Variants in RHBDD1 observed in about 807,000 individuals in gnomAD.
RHBDD1 encodes the protein rhomboid domain containing 1.
A neutral mutation model predicts 36.3 loss-of-function variants in RHBDD1; 38 were observed. That is an observed-to-expected ratio of 1.05 (90% CI 0.81 to 1.37). RHBDD1 has a LOEUF of 1.37. RHBDD1 is among the 40% of genes most tolerant of loss of function. The pLI is 0.00. For missense variants in RHBDD1, 393 were observed against 377.6 expected (o/e 1.04, Z -0.34); for synonymous variants, 151 against 136.5 (o/e 1.11, Z -0.74).
intron 8 of RHBDD1, among the ~76,000 whole-genome samples, chr2:226,974,366 T>C (rs1438837639): frequency 6.6e-6 from 1 of 151,840 alleles, no homozygotes; most frequent in African/African-American, 2.4e-5. Flanking sequence ...GCCTCCTGAG[T>C]AGCTGGAATT....
At chr2:226,877,767 G>T (rs1208652212) in intron 5 of RHBDD1, among the ~76,000 whole-genome samples, 7 of 152,182 alleles carry the variant, frequency 4.6e-5, no homozygotes, top group African/African-American at 1.7e-4. Context: ...TTAAAAAGAT[G>T]TGGACTAATC....
At chr2:226,965,691 C>A (rs192371894) in intron 8 of RHBDD1, among the ~76,000 whole-genome samples, 1 of 152,276 alleles carries the variant, frequency 6.6e-6, no homozygotes, top group Non-Finnish European at 1.5e-5. Flanking sequence ...AGAGTTCAGT[C>A]TCAGAGGTGT....
chr2:226,830,813 CAGGTG>C (rs58706203), upstream of RHBDD1, among the ~76,000 whole-genome samples: 26,073 of 151,998 alleles, frequency 0.17, 3,393 homozygotes, highest in African/African-American at 0.37. Flanking sequence ...GCTGGGACTA[CAGGTG>C]TGTGCCACTG....
intron 8 of RHBDD1, chr2:226,988,252 A>T: frequency 7.5e-7 from 1 of 1,335,342 alleles, no homozygotes; most frequent in Non-Finnish European, 1.0e-6. Context: ...AGTAGGACTC[A>T]TATCAGGGCC....
chr2:226,932,016 T>G (rs1950060057), intron 8 of RHBDD1, among the ~76,000 whole-genome samples: 1 of 152,184 alleles, frequency 6.6e-6, no homozygotes, highest in Non-Finnish European at 1.5e-5. Context: ...CAGTGTTTTA[T>G]AGTTTCGAAC....
chr2:226,876,279 C>T (rs1378034394), intron 5 of RHBDD1, among the ~76,000 whole-genome samples: 1 of 152,130 alleles, frequency 6.6e-6, no homozygotes, highest in African/African-American at 2.4e-5. Context: ...TGTCCATTTA[C>T]ACTGTTGACA....
At chr2:226,822,584 A>G in the RHBDD1 span, among the ~76,000 whole-genome samples, 4 of 150,894 alleles carry the variant, frequency 2.7e-5, no homozygotes, top group South Asian at 8.4e-4. Flanking sequence ...CAATGAGCCG[A>G]GATCGTGCCA....
intron 5 of RHBDD1, among the ~76,000 whole-genome samples, chr2:226,868,796 G>C (rs1237124629): frequency 1.3e-5 from 2 of 152,178 alleles, no homozygotes; most frequent in Non-Finnish European, 2.9e-5. Flanking sequence ...TGGCCCCTGA[G>C]TACCACTCAT....
At chr2:226,873,527 T>A (rs1023371722) in intron 5 of RHBDD1, among the ~76,000 whole-genome samples, 1 of 152,220 alleles carries the variant, frequency 6.6e-6, no homozygotes, top group Admixed American at 6.5e-5. Flanking sequence ...AGGGACCTGA[T>A]GCCTCATAAG....
chr2:226,919,763 T>TGA (rs1949175457), intron 8 of RHBDD1, among the ~76,000 whole-genome samples: 2 of 152,096 alleles, frequency 1.3e-5, no homozygotes, highest in Non-Finnish European at 2.9e-5. Flanking sequence ...ATGTGATCCT[T>TGA]CCAGTTTGCT....
At chr2:226,880,622 G>C (rs950404978) in intron 5 of RHBDD1, among the ~76,000 whole-genome samples, 1 of 152,164 alleles carries the variant, frequency 6.6e-6, no homozygotes, top group Admixed American at 6.5e-5. Context: ...AGAAGCCCCA[G>C]CCCTGTCCTG....
At chr2:226,947,220 G>A (rs1575201821) in intron 8 of RHBDD1, among the ~76,000 whole-genome samples, 2 of 151,214 alleles carry the variant, frequency 1.3e-5, no homozygotes, top group Non-Finnish European at 3.0e-5. Context: ...TTCTTCTAGG[G>A]TTTTTATGGT....
intron 8 of RHBDD1, among the ~76,000 whole-genome samples, chr2:226,990,136 T>TTAA (rs1957853391): frequency 6.6e-6 from 1 of 152,210 alleles, no homozygotes. Context: ...AAGTAAAGTG[T>TTAA]GGTTACTGTC....
chr2:226,910,417 T>A (rs1948437698), intron 7 of RHBDD1, among the ~76,000 whole-genome samples: 1 of 152,182 alleles, frequency 6.6e-6, no homozygotes, highest in Admixed American at 6.5e-5. Flanking sequence ...CTAGGGAACT[T>A]TTATGAGAGC....
At chr2:226,919,468 G>A (rs971699776) in intron 8 of RHBDD1, among the ~76,000 whole-genome samples, 1 of 152,106 alleles carries the variant, frequency 6.6e-6, no homozygotes, top group Non-Finnish European at 1.5e-5. Flanking sequence ...TTAGATGTAA[G>A]TCTTTAATCC....
intron 5 of RHBDD1, among the ~76,000 whole-genome samples, chr2:226,870,795 A>G (rs1010451168): frequency 6.6e-5 from 10 of 152,306 alleles, no homozygotes; most frequent in Admixed American, 2.0e-4. Context: ...AAGAAGAGAA[A>G]ATGTATGCAC....
intron 5 of RHBDD1, among the ~76,000 whole-genome samples, chr2:226,895,245 A>G (rs1947004618): frequency 6.6e-6 from 1 of 152,206 alleles, no homozygotes; most frequent in East Asian, 1.9e-4. Context: ...AGCCTGAGCT[A>G]GGCAACCATG....
chr2:226,800,791 T>A, the RHBDD1 span, among the ~76,000 whole-genome samples: 2 of 152,180 alleles, frequency 1.3e-5, no homozygotes, highest in Non-Finnish European at 2.9e-5. Context: ...CCTATAAGTT[T>A]TTAACCTTGA....
chr2:226,877,325 G>A (rs1189782699), intron 5 of RHBDD1, among the ~76,000 whole-genome samples: 1 of 152,036 alleles, frequency 6.6e-6, no homozygotes, highest in African/African-American at 2.4e-5. Context: ...TGTAAATATT[G>A]ACTTAATTAT....
Sources: allele counts gnomAD v4.1 joint callset (sites outside exome capture counted in the v4.1 genomes callset), GRCh38; gene constraint gnomAD v4.1.1; transcripts MANE v1.5; gene names NCBI Gene and HGNC (gene_info 2026-07-23, HGNC 2026-07-21).